PTPRS: variants seen among roughly 807,000 people sequenced by gnomAD.
PTPRS encodes protein tyrosine phosphatase receptor type S, also known as receptor-type tyrosine-protein phosphatase S.
Under a neutral mutation model 215.3 loss-of-function variants are expected in PTPRS, and 63 were observed. The observed-to-expected ratio is 0.29, with a 90% CI of 0.24 to 0.36. PTPRS has a LOEUF of 0.36. PTPRS is among the 10% of genes least tolerant of loss of function. PTPRS has a pLI of 1.00. For synonymous variants in PTPRS, 1,404 were observed against 1,191.4 expected (o/e 1.18, Z -3.68); for missense variants, 2,258 against 2,825.8 (o/e 0.80, Z 4.56).
At chr19:5,331,688 A>G (rs2050330197) in intron 1 of PTPRS, among the ~76,000 whole-genome samples, 1 of 152,214 alleles carries the variant, frequency 6.6e-6, no homozygotes, top group South Asian at 2.1e-4. Context: ...CGGGTGCTCC[A>G]GCCCCAAGAG....
intron 6 of PTPRS, 32 bp downstream of exon 6, chr19:5,262,932 A>T: frequency 6.4e-7 from 1 of 1,568,910 alleles, no homozygotes; most frequent in Non-Finnish European, 8.7e-7. Context: ...ATGGGGCGTT[A>T]GTTGTTGACG....
At chr19:5,243,574 G>C (rs1399741519) in intron 11 of PTPRS, among the ~76,000 whole-genome samples, 1 of 151,614 alleles carries the variant, frequency 6.6e-6, no homozygotes, top group Non-Finnish European at 1.5e-5. Flanking sequence ...CCACCTCCTG[G>C]GTTCAAGTGA....
At chr19:5,278,080 A>C in intron 2 of PTPRS, 2 of 851,472 alleles carry the variant, frequency 2.3e-6, no homozygotes, top group Non-Finnish European at 3.7e-6. Context: ...AGGGCCGCCC[A>C]GCTGCCGTCA....
chr19:5,322,747 C>G (rs1030343876), intron 1 of PTPRS, among the ~76,000 whole-genome samples: 1 of 151,720 alleles, frequency 6.6e-6, no homozygotes. Flanking sequence ...GGCATGGTGG[C>G]GCACGCCTAT....
chr19:5,297,511 G>A (rs114120666), intron 1 of PTPRS, among the ~76,000 whole-genome samples: 1,809 of 152,218 alleles, frequency 0.012, 27 homozygotes, highest in African/African-American at 0.036. Flanking sequence ...CTAGTTGCAG[G>A]GGGGATGGAC....
chr19:5,216,236 C>G (rs899632820), intron 26 of PTPRS, among the ~76,000 whole-genome samples: 22 of 152,068 alleles, frequency 1.4e-4, no homozygotes, highest in Admixed American at 4.6e-4. Flanking sequence ...TTCAAGCCCC[C>G]TAGGATGGCT....
chr19:5,222,653 G>A (rs758862567), intron 18 of PTPRS, 36 bp downstream of exon 18: 108 of 1,492,522 alleles, frequency 7.2e-5, no homozygotes, highest in Middle Eastern at 2.4e-4. Flanking sequence ...CGCAAGGCCC[G>A]GTCCGGCTCT....
At chr19:5,239,141 A>C in intron 12 of PTPRS, 78 bp from the exon 13 acceptor site, 1 of 1,025,404 alleles carries the variant, frequency 9.8e-7, no homozygotes, top group Non-Finnish European at 1.4e-6. Context: ...AGAGAGAGAG[A>C]GACAGAAACA....
In PTPRS at chr19:5,221,376, A is replaced by G. The variant is rs1009536148; in HGVS notation, c.3202-123T>C. ...TCCCACTGAATCCTGCCCTAGGCAG[A>G]AATCTAACACTGACTGATCCCTGAT... On this transcript the variant is annotated intron_variant, in intron 19 of 37. Transcript: ENST00000262963. 3.2e-5 allele frequency: 42 copies of G among 1,309,012 alleles called. No individual in the cohort carries two copies. In the Middle Eastern group the frequency reaches 9.6e-4, roughly 30 times the overall value. The allele number at this position is 1,309,012 out of a possible 1,614,324, so 81.1% of individuals were successfully genotyped here.
Position 5,212,012 on chromosome 19 carries a change from G to T in PTPRS, c.5008C>A (p.Gln1670Lys). 6.2e-7 allele frequency: 1 copy of T among 1,613,364 alleles called. No homozygotes were observed. The change falls in exon 32 of 38, where the codon CAG becomes AAG. Residue 1670 changes from glutamine (Q) to lysine (K), a missense_variant. By Grantham distance (53) the Gln-to-Lys change is moderately conservative. Coordinates refer to ENST00000262963, the MANE Select transcript of PTPRS (RefSeq NM_002850.4). Reference protein sequence around the residue: ...SLYAYIQKLAQVEPGEHVTGM... With the variant: ...SLYAYIQKLAKVEPGEHVTGM... ...GTGACGTGTTCGCCAGGCTCCACCT[G>T]GGCCAGCTTCTGGATGTAGGCATAG...
chr19:5,308,355 G>A (rs1054976835), intron 1 of PTPRS, among the ~76,000 whole-genome samples: 1 of 152,154 alleles, frequency 6.6e-6, no homozygotes, highest in East Asian at 1.9e-4. Context: ...ATAAATGCCC[G>A]TCTAATCATC....
chr19:5,232,253 G>A (rs907302391), intron 13 of PTPRS, among the ~76,000 whole-genome samples: 9 of 151,800 alleles, frequency 5.9e-5, no homozygotes, highest in Non-Finnish European at 1.2e-4. Context: ...AACAGCAATA[G>A]AAGCTCCATT....
intron 1 of PTPRS, among the ~76,000 whole-genome samples, chr19:5,317,861 C>T (rs2049919992): frequency 6.6e-6 from 1 of 152,054 alleles, no homozygotes; most frequent in Non-Finnish European, 1.5e-5. Context: ...CATGGTGAAA[C>T]CCCGTCTCCA....
intron 9 of PTPRS, among the ~76,000 whole-genome samples, chr19:5,252,304 C>T (rs1170632954): frequency 1.3e-5 from 2 of 152,084 alleles, no homozygotes; most frequent in East Asian, 1.9e-4. Flanking sequence ...CGGCAGGGCA[C>T]GGTGGCTCAC....
chr19:5,258,211 T>TGGTGG, intron 7 of PTPRS, 84 bp from the exon 8 acceptor site: 3 of 1,162,320 alleles, frequency 2.6e-6, no homozygotes, highest in Non-Finnish European at 3.9e-6. Context: ...GAGTGCTCTC[T>TGGTGG]GGCCTGTCTC....
intron 30 of PTPRS, among the ~76,000 whole-genome samples, chr19:5,213,650 TGTATAACATATGCTTA>T: frequency 1.8e-5 from 1 of 54,540 alleles, no homozygotes; most frequent in East Asian, 1.1e-3. Flanking sequence ...ATATGCTTAA[TGTATAACATATGCTTA>T]ATGTGTGTGA....
chr19:5,221,948 G>C (rs1192906885), intron 19 of PTPRS, among the ~76,000 whole-genome samples, 175 bp downstream of exon 19: 1 of 152,046 alleles, frequency 6.6e-6, no homozygotes, highest in Middle Eastern at 3.2e-3. Context: ...CCAATCCTAG[G>C]CTGGGCCCCA....
At chr19:5,223,560 AT>A (rs35490567) in intron 17 of PTPRS, among the ~76,000 whole-genome samples, 15,619 of 128,802 alleles carry the variant, frequency 0.12, 1,172 homozygotes, top group African/African-American at 0.22. Flanking sequence ...TGCGGTTGTG[AT>A]TTTTTTTTTT....
At chr19:5,329,695 G>A (rs1168084959) in intron 1 of PTPRS, among the ~76,000 whole-genome samples, 1 of 151,934 alleles carries the variant, frequency 6.6e-6, no homozygotes, top group Non-Finnish European at 1.5e-5. Flanking sequence ...AACCCGGGAG[G>A]TGGAGCTGGC....
Sources: gnomAD v4.1 joint callset for allele counts (sites outside exome capture counted in the v4.1 genomes callset) on GRCh38, gnomAD v4.1.1 for gene constraint, MANE v1.5 for transcripts, NCBI Gene and HGNC (gene_info 2026-07-23, HGNC 2026-07-21) for gene names.